Variants in RBM39 observed in about 807,000 individuals in gnomAD.
RBM39 encodes the protein RNA-binding protein 39.
In RBM39, 12 loss-of-function variants were observed where a neutral mutation model predicts 79.6. The ratio of observed to expected loss-of-function variants is 0.15; its 90% CI spans 0.10 to 0.24. The LOEUF is 0.24. Ranked by LOEUF, RBM39 falls within the 10% of genes least tolerant of loss-of-function variation. RBM39 has a pLI of 1.00. For synonymous variants in RBM39, 185 were observed against 208.4 expected, an observed-to-expected ratio of 0.89 and a Z score of 0.97; for missense variants, 243 against 653.4, an observed-to-expected ratio of 0.37 and a Z score of 6.85.
At chr20:35,729,180 A>C in intron 6 of RBM39, 132 bp downstream of exon 6, 1 of 619,238 alleles carries the variant, frequency 1.6e-6, no homozygotes, top group African/African-American at 1.9e-5. Context: ...CTTGACCTTA[A>C]AGTACTGGAA....
intron 8 of RBM39, among the ~76,000 whole-genome samples, chr20:35,722,772 A>T (rs1396178618): frequency 6.6e-6 from 1 of 151,866 alleles, no homozygotes; most frequent in Non-Finnish European, 1.5e-5. Context: ...TCTCTACTAA[A>T]AATACAAAAA....
intron 8 of RBM39, among the ~76,000 whole-genome samples, chr20:35,724,214 C>T (rs558804638): frequency 6.6e-6 from 1 of 152,094 alleles, no homozygotes; most frequent in East Asian, 1.9e-4. Context: ...CTCCTGTAAT[C>T]CCAGCTACTC....
intron 10 of RBM39, among the ~76,000 whole-genome samples, chr20:35,715,429 G>A (rs2036986092): frequency 6.6e-6 from 1 of 152,126 alleles, no homozygotes; most frequent in Non-Finnish European, 1.5e-5. Context: ...ACCGCTCTCA[G>A]CCTCCCAAAG....
intron 7 of RBM39, 57 bp downstream of exon 7, chr20:35,724,981 A>G: frequency 8.1e-7 from 1 of 1,228,850 alleles, no homozygotes; most frequent in South Asian, 1.3e-5. Context: ...TTTGATGTTT[A>G]CATGTTTTCT....
chr20:35,707,225 A>C, intron 13 of RBM39, 24 bp from the exon 14 acceptor site: 1 of 1,557,000 alleles, frequency 6.4e-7, no homozygotes, highest in Non-Finnish European at 8.8e-7. Flanking sequence ...GAGAAAAATT[A>C]GTTTCATGGA....
At chr20:35,712,700 ATAT>A (rs1600418246) in intron 12 of RBM39, among the ~76,000 whole-genome samples, 1 of 152,070 alleles carries the variant, frequency 6.6e-6, no homozygotes, top group African/African-American at 2.4e-5. Context: ...CTAAATTCTA[ATAT>A]TATAAATATT....
At chr20:35,706,925 G>C (rs1275267645) in intron 14 of RBM39, among the ~76,000 whole-genome samples, 195 bp downstream of exon 14, 1 of 150,932 alleles carries the variant, frequency 6.6e-6, no homozygotes, top group Non-Finnish European at 1.5e-5. Context: ...CACTCGGAAG[G>C]CTGAGGCAGG....
Position 35,704,118 on chromosome 20 carries a change from G to A in RBM39, c.*363C>T, listed in dbSNP as rs2035453252. On this transcript the variant is annotated 3_prime_UTR_variant, in exon 17 of 17. Transcript: ENST00000253363. The stretch of plus-strand genomic sequence containing the variant: ...CCAAATATCAACATTAGTGAAATGT[G>A]AAATGTAACCACTGTGTAAAAAGTT... 1 of 165,122 alleles carries A rather than the reference G, an allele frequency of 6.1e-6. No homozygotes were observed. Among genetic ancestry groups the A allele is most frequent in the Non-Finnish European group, 1.3e-5 (1 of 74,776 alleles). 10.2% of individuals were successfully genotyped at this position (165,122 alleles called of 1,614,324 possible). A position where few individuals can be genotyped will look rare whatever the true frequency, so the allele number is the denominator to read the frequency against.
At chr20:35,727,275 G>A (rs377503841) in intron 6 of RBM39, among the ~76,000 whole-genome samples, 6 of 151,794 alleles carry the variant, frequency 4.0e-5, no homozygotes, top group East Asian at 1.9e-4. Flanking sequence ...GCTTATGACC[G>A]GCCATTAGAA....
rs2035471916 is a variant in RBM39 at position 35,704,297 on chromosome 20, T to C, written c.*184A>G. On this transcript the variant is annotated 3_prime_UTR_variant, in exon 17 of 17. Transcript: ENST00000253363. ...GAACAGTTTTGTATACAGTGGGATTTACTATTTAGGGAGAATGAGCACACT... is the reference window on the plus strand; with the variant it reads ...GAACAGTTTTGTATACAGTGGGATTCACTATTTAGGGAGAATGAGCACACT... 2 of 497,110 alleles carry C rather than the reference T, an allele frequency of 4.0e-6. No homozygotes were observed. The allele number at this position is 497,110 out of a possible 1,614,324, so 30.8% of individuals were successfully genotyped here.
intron 12 of RBM39, among the ~76,000 whole-genome samples, chr20:35,712,256 G>A (rs937625428): frequency 2.0e-5 from 3 of 151,514 alleles, no homozygotes; most frequent in Non-Finnish European, 2.9e-5. Context: ...ATCACTTGAG[G>A]TAAGGTGTTT....
chr20:35,706,102 G>GC (rs2146478555), intron 14 of RBM39, among the ~76,000 whole-genome samples: 1 of 152,298 alleles, frequency 6.6e-6, no homozygotes, highest in African/African-American at 2.4e-5. Flanking sequence ...ACTTTCGGAT[G>GC]CTGAAGCGAG....
chr20:35,728,669 C>T (rs1027587193), intron 6 of RBM39, among the ~76,000 whole-genome samples: 4 of 151,948 alleles, frequency 2.6e-5, no homozygotes, highest in Admixed American at 6.6e-5. Flanking sequence ...CCCAGCTACT[C>T]GGGAGGCTGA....
rs1220596795 is a variant in RBM39, at chr20:35,732,134, T to C, written c.103A>G (p.Arg35Gly). ...ANGHEERSKK[R>G]KKSKSRSRSH... ...CGACTTCTGCTCTTGCTTTTTTTCC[T>C]CCTGAGAAGAAAAAAACTCGCCATT... Residue 35 changes from arginine to glycine, a missense_variant and splice_region_variant, in exon 4 of 17, where the codon AGG becomes GGG. Arg to Gly is a moderately radical substitution (Grantham distance 125). This residue lies in a region of RBM39 where 115 missense variants were observed against 184.1 expected (regional missense o/e 0.62). Transcript: ENST00000253363. The C allele has an allele frequency of 1.9e-6, 3 of 1,613,794 alleles. No individual in the cohort carries two copies. Among genetic ancestry groups the C allele is most frequent in the African/African-American group, 2.7e-5 (2 of 74,852 alleles).
rs1569088215 is a variant in RBM39, at chr20:35,740,895, G to GAGAACAAGACAATTTC, written c.-13-24_-13-9dup. 1 of 1,596,964 alleles carries GAGAACAAGACAATTTC rather than the reference G, an allele frequency of 6.3e-7. No homozygotes were observed. Among genetic ancestry groups the GAGAACAAGACAATTTC allele is most frequent in the Non-Finnish European group, 8.6e-7 (1 of 1,167,462 alleles). On this transcript the variant is annotated splice_polypyrimidine_tract_variant and intron_variant, in intron 1 of 16. Transcript: ENST00000253363. ...GCCATTTTCTCTAAACGCCTAGGAA[G>GAGAACAAGACAATTTC]AGAACAAGACAATTTCTTGAGTAAA...
intron 9 of RBM39, 26 bp downstream of exon 9, chr20:35,721,714 A>C: frequency 6.2e-7 from 1 of 1,610,452 alleles, no homozygotes; most frequent in Non-Finnish European, 8.5e-7. Context: ...AACCTACTGA[A>C]GATTCATTGA....
At chr20:35,741,531 A>T (rs1469133857) in intron 1 of RBM39, 2 of 152,122 alleles carry the variant, frequency 1.3e-5, no homozygotes, top group African/African-American at 4.8e-5. Flanking sequence ...AATATTTAAA[A>T]CTCTGCTGTC....
Position 35,738,918 on chromosome 20 carries a change from A to T in RBM39, c.101+50T>A, listed in dbSNP as rs1405568529. ...CACAGGAACACAACTTAAGGTCTAA[A>T]ACCACAAAAAAGCTCACCACCCTCC... On this transcript the variant is annotated intron_variant, in intron 3 of 16. Transcript: ENST00000253363. 2.6e-6 allele frequency: 4 copies of T among 1,517,902 alleles called. No individual in the cohort carries two copies. The Admixed American group carries it at 5.1e-5, about 19-fold the overall frequency. The allele number at this position is 1,517,902 out of a possible 1,614,324, so 94.0% of individuals were successfully genotyped here. A position where few individuals can be genotyped will look rare whatever the true frequency, so the allele number is the denominator to read the frequency against.
intron 13 of RBM39, among the ~76,000 whole-genome samples, chr20:35,708,577 AT>A (rs2036033368): frequency 6.7e-6 from 1 of 149,856 alleles, no homozygotes; most frequent in African/African-American, 2.5e-5. Flanking sequence ...TATCTTTCTC[AT>A]AATCATTTCC....
Sources: gnomAD v4.1 joint callset for allele counts (sites outside exome capture counted in the v4.1 genomes callset) on GRCh38, gnomAD v4.1.1 for gene constraint, gnomAD v4.1.1 regional missense constraint, MANE v1.5 for transcripts, NCBI Gene and HGNC (gene_info 2026-07-23, HGNC 2026-07-21) for gene names.